MAF: variants seen among roughly 807,000 people sequenced by gnomAD.
The protein encoded by MAF is MAF bZIP transcription factor.
In MAF, 10 loss-of-function variants were observed where a neutral mutation model predicts 22.0. The observed-to-expected ratio is 0.45, with a 90% CI of 0.28 to 0.77. The LOEUF is 0.77. Among genes scored for constraint, MAF ranks in the 30% least tolerant of loss-of-function variants. The pLI, the probability that MAF is intolerant of heterozygous loss-of-function variation, is 0.12. For missense variants in MAF, 544 were observed against 548.4 expected (o/e 0.99, Z 0.08); for synonymous variants, 337 against 255.8 (o/e 1.32, Z -3.03).
At chr16:79,425,352 C>T in the MAF span, among the ~76,000 whole-genome samples, 6 of 151,682 alleles carry the variant, frequency 4.0e-5, no homozygotes, top group Non-Finnish European at 7.4e-5. Flanking sequence ...TGGAGTGTGG[C>T]CTCTATGGGT....
chr16:79,251,863 T>C, the MAF span, among the ~76,000 whole-genome samples: 1 of 152,342 alleles, frequency 6.6e-6, no homozygotes, highest in Non-Finnish European at 1.5e-5. Flanking sequence ...AAAATTTTTT[T>C]GTAAGAAAAG....
At chr16:79,461,053 G>A in the MAF span, among the ~76,000 whole-genome samples, 1 of 152,158 alleles carries the variant, frequency 6.6e-6, no homozygotes, top group South Asian at 2.1e-4. Flanking sequence ...ATGTATTTGT[G>A]AACTTTTTGA....
chr16:79,529,145 T>G, the MAF span, among the ~76,000 whole-genome samples: 1 of 152,166 alleles, frequency 6.6e-6, no homozygotes, highest in Non-Finnish European at 1.5e-5. Flanking sequence ...TGAAGCAGAT[T>G]GGGATGTGGG....
At chr16:79,439,303 C>T in the MAF span, among the ~76,000 whole-genome samples, 15 of 149,608 alleles carry the variant, frequency 1.0e-4, 1 homozygote, top group South Asian at 3.0e-3. Flanking sequence ...GCTCTGCCAC[C>T]CAGGCTGGAG....
chr16:79,361,552 T>C, the MAF span, among the ~76,000 whole-genome samples: 2 of 152,222 alleles, frequency 1.3e-5, no homozygotes. Context: ...GCTAGCCGGC[T>C]GCCTGGGAAC....
At chr16:79,335,395 G>A in the MAF span, among the ~76,000 whole-genome samples, 1 of 152,108 alleles carries the variant, frequency 6.6e-6, no homozygotes, top group East Asian at 1.9e-4. Flanking sequence ...CTTCTTCGAA[G>A]AAGAAGAGCT....
the MAF span, among the ~76,000 whole-genome samples, chr16:79,377,434 G>C: frequency 6.6e-6 from 1 of 152,128 alleles, no homozygotes; most frequent in African/African-American, 2.4e-5. Context: ...TTAGCCCTTT[G>C]TCAGATGAGT....
chr16:79,313,992 G>T, the MAF span, among the ~76,000 whole-genome samples: 1 of 152,176 alleles, frequency 6.6e-6, no homozygotes, highest in Non-Finnish European at 1.5e-5. Flanking sequence ...AAACTATGGC[G>T]TTGGAATACA....
chr16:79,525,455 T>C, the MAF span, among the ~76,000 whole-genome samples: 2 of 152,190 alleles, frequency 1.3e-5, no homozygotes, highest in Non-Finnish European at 2.9e-5. Flanking sequence ...TTTTTTCTAA[T>C]TCTTCTTCCA....
At chr16:79,264,937 G>C in the MAF span, among the ~76,000 whole-genome samples, 1 of 152,120 alleles carries the variant, frequency 6.6e-6, no homozygotes, top group Non-Finnish European at 1.5e-5. Flanking sequence ...AAGTCAAAGG[G>C]GAAGACTGAG....
the MAF span, among the ~76,000 whole-genome samples, chr16:79,468,096 G>C: frequency 1.3e-5 from 2 of 152,190 alleles, no homozygotes; most frequent in Non-Finnish European, 1.5e-5. Context: ...CAGGTAATAA[G>C]TTGACAAAGA....
At chr16:79,457,813 G>A in the MAF span, among the ~76,000 whole-genome samples, 1 of 152,016 alleles carries the variant, frequency 6.6e-6, no homozygotes, top group South Asian at 2.1e-4. Context: ...CTTTCATCAG[G>A]ACCTGAAATG....
the MAF span, among the ~76,000 whole-genome samples, chr16:79,210,675 C>T: frequency 5.4e-4 from 82 of 152,064 alleles, no homozygotes; most frequent in Non-Finnish European, 1.1e-3. Context: ...AGAGACGTGC[C>T]GACCATGTCT....
chr16:79,316,281 A>C, the MAF span, among the ~76,000 whole-genome samples: 18 of 152,158 alleles, frequency 1.2e-4, no homozygotes, highest in African/African-American at 4.3e-4. Flanking sequence ...AGCTCACCAC[A>C]CTCCGTTTCC....
At chr16:79,493,093 G>C in the MAF span, among the ~76,000 whole-genome samples, 1 of 151,640 alleles carries the variant, frequency 6.6e-6, no homozygotes, top group Non-Finnish European at 1.5e-5. Context: ...GAGTACTTGG[G>C]ATTACAGGTG....
chr16:79,208,516 AGTT>A, the MAF span, among the ~76,000 whole-genome samples: 9 of 152,220 alleles, frequency 5.9e-5, no homozygotes, highest in African/African-American at 1.9e-4. Flanking sequence ...TTTATAACGG[AGTT>A]GTTAACATTA....
chr16:79,393,931 T>G, the MAF span, among the ~76,000 whole-genome samples: 4 of 152,198 alleles, frequency 2.6e-5, no homozygotes, highest in African/African-American at 9.6e-5. Context: ...TTTAAGTATT[T>G]CCATGTGCCA....
the MAF span, among the ~76,000 whole-genome samples, chr16:79,217,208 G>C: frequency 1.3e-5 from 2 of 152,310 alleles, no homozygotes; most frequent in South Asian, 4.1e-4. Context: ...ATGAAAGTGA[G>C]TTTTAGAGAG....
the MAF span, among the ~76,000 whole-genome samples, chr16:79,525,278 A>G: frequency 6.6e-6 from 1 of 152,138 alleles, no homozygotes; most frequent in African/African-American, 2.4e-5. Context: ...CCTGGGATGG[A>G]TGTTTTGGGT....
Sources: gnomAD v4.1 joint callset for allele counts (sites outside exome capture counted in the v4.1 genomes callset) on GRCh38, gnomAD v4.1.1 for gene constraint, MANE v1.5 for transcripts, NCBI Gene and HGNC (gene_info 2026-07-23, HGNC 2026-07-21) for gene names.